Variants in DNAH14 observed in about 807,000 individuals in gnomAD.
DNAH14 encodes the protein dynein axonemal heavy chain 14, also known as axonemal beta dynein heavy chain 14.
DNAH14 carries 478 observed loss-of-function variants against 520.9 expected under a neutral mutation model. The observed-to-expected ratio is 0.92, with a 90% confidence interval of 0.85 to 0.99. The LOEUF (loss-of-function observed/expected upper bound fraction) is 0.99. DNAH14 is among the 50% of genes least tolerant of loss of function. The pLI is 0.00. For missense variants in DNAH14, 4,831 were observed against 5,234.5 expected, an observed-to-expected ratio of 0.92 and a Z score of 2.38; for synonymous variants, 1,581 against 1,757.2, an observed-to-expected ratio of 0.90 and a Z score of 2.51.
chr1:225,323,500 G>A (rs2094593124), intron 62 of DNAH14, among the ~76,000 whole-genome samples: 2 of 152,080 alleles, frequency 1.3e-5, no homozygotes, highest in Non-Finnish European at 2.9e-5. Flanking sequence ...TTTTGAGACG[G>A]AGTCTCACTC....
At chr1:225,244,511 T>C (rs2092158651) in intron 43 of DNAH14, among the ~76,000 whole-genome samples, 1 of 152,284 alleles carries the variant, frequency 6.6e-6, no homozygotes, top group African/African-American at 2.4e-5. Context: ...AGGTTATTAA[T>C]TATTGCCTCA....
At position 225,316,513 on chromosome 1, in the gene DNAH14, G is replaced by A. The variant is rs1252007979; in HGVS notation, c.9241-2070G>A. Among the ~76,000 whole-genome samples, 7 of 152,202 alleles carry A rather than the reference G, an allele frequency of 4.6e-5. No homozygotes were observed. The East Asian group carries it at 7.7e-4, about 17-fold the overall frequency. On this transcript the variant is annotated intron_variant, in intron 60 of 85. Transcript: ENST00000682510. ...CCTGAGGGAATCTCCTGGTCTGCGG[G>A]TTGTGAAGACTGTGGGAAAAGTGTA... is the stretch of plus-strand genomic sequence containing the variant.
At chr1:225,163,650 TC>T (rs2081755393) in intron 35 of DNAH14, among the ~76,000 whole-genome samples, 1 of 152,224 alleles carries the variant, frequency 6.6e-6, no homozygotes, top group African/African-American at 2.4e-5. Context: ...ACGTCATGTA[TC>T]CCATTGATTG....
chr1:225,043,249 G>T, intron 13 of DNAH14, 135 bp downstream of exon 13: 7 of 298,948 alleles, frequency 2.3e-5, no homozygotes, highest in Admixed American at 6.7e-5. Flanking sequence ...GGGCAACACA[G>T]TGAGACCTTG....
chr1:225,069,171 T>C (rs2071260416), intron 17 of DNAH14, among the ~76,000 whole-genome samples: 1 of 152,218 alleles, frequency 6.6e-6, no homozygotes, highest in African/African-American at 2.4e-5. Context: ...AGGGATACTT[T>C]GACTTCATAT....
intron 8 of DNAH14, among the ~76,000 whole-genome samples, chr1:224,982,543 T>G (rs2062351578): frequency 6.6e-6 from 1 of 152,216 alleles, no homozygotes; most frequent in South Asian, 2.1e-4. Context: ...TTAGACGGTC[T>G]GTTTGTGCTC....
intron 82 of DNAH14, 115 bp from the exon 83 acceptor site, chr1:225,389,619 G>A (rs1446918943): frequency 1.7e-6 from 2 of 1,212,060 alleles, no homozygotes; most frequent in Non-Finnish European, 2.3e-6. Context: ...GTCCTGCATT[G>A]GGGGAATCGA....
intron 41 of DNAH14, among the ~76,000 whole-genome samples, chr1:225,217,956 T>G (rs115142519): frequency 0.047 from 7,138 of 152,226 alleles, 521 homozygotes; most frequent in African/African-American, 0.16. Flanking sequence ...ATCACCCGTC[T>G]TCTGCATTGC....
At chr1:225,247,984 A>G (rs893733789) in intron 43 of DNAH14, among the ~76,000 whole-genome samples, 2 of 152,162 alleles carry the variant, frequency 1.3e-5, no homozygotes, top group African/African-American at 4.8e-5. Context: ...GCGCCACTGC[A>G]CTCCAGCCTG....
intron 69 of DNAH14, among the ~76,000 whole-genome samples, chr1:225,342,021 C>T (rs562987176): frequency 2.0e-5 from 3 of 152,118 alleles, no homozygotes; most frequent in Non-Finnish European, 4.4e-5. Flanking sequence ...TCTGAACTTC[C>T]GCACATCGGG....
At chr1:225,083,016 T>G (rs979421220) in intron 20 of DNAH14, among the ~76,000 whole-genome samples, 4 of 152,154 alleles carry the variant, frequency 2.6e-5, no homozygotes, top group Admixed American at 1.3e-4. Flanking sequence ...TATTTAACAG[T>G]GCTATTTATA....
At position 225,346,648 on chromosome 1, in the gene DNAH14, C is replaced by T. The variant is rs1468534330; in HGVS notation, c.11290C>T (p.Leu3764Phe). 4 of 1,536,434 alleles carry T rather than the reference C, an allele frequency of 2.6e-6. No homozygotes were observed. The South Asian group carries it at 4.9e-5, about 19-fold the overall frequency. ...NIKSALSQSR[L>F]TSTFEIGESQ... ...TAAAAGTGCATTATCCCAGTCTAGA[C>T]TTACTAGTAAGTAAAAGTTACTATT... Residue 3764 changes from leucine to phenylalanine, a missense_variant, in exon 71 of 86, where the codon CTT becomes TTT. Transcript: ENST00000682510.
chr1:225,169,329 C>T (rs1422854847), intron 36 of DNAH14, among the ~76,000 whole-genome samples: 1 of 152,150 alleles, frequency 6.6e-6, no homozygotes, highest in Admixed American at 6.6e-5. Flanking sequence ...AAGAAGACTT[C>T]AGATGATCAA....
At chr1:225,325,756 A>G (rs1257175739) in intron 64 of DNAH14, among the ~76,000 whole-genome samples, 3 of 151,552 alleles carry the variant, frequency 2.0e-5, no homozygotes, top group Non-Finnish European at 4.4e-5. Flanking sequence ...CCCACCCCTC[A>G]CCTCATTTTG....
chr1:224,973,898 A>G (rs958152532), intron 7 of DNAH14, among the ~76,000 whole-genome samples, 193 bp from the exon 8 acceptor site: 2 of 152,164 alleles, frequency 1.3e-5, no homozygotes, highest in Non-Finnish European at 2.9e-5. Context: ...TTTCATTTAC[A>G]TTTACCTTTT....
At chr1:224,933,974 C>T (rs2058863176) in intron 1 of DNAH14, among the ~76,000 whole-genome samples, 2 of 151,916 alleles carry the variant, frequency 1.3e-5, no homozygotes, top group African/African-American at 4.8e-5. Context: ...CTAATACACA[C>T]ACGCAGACTC....
At chr1:225,040,329 C>T (rs999772946) in intron 12 of DNAH14, among the ~76,000 whole-genome samples, 2 of 152,166 alleles carry the variant, frequency 1.3e-5, no homozygotes, top group Admixed American at 6.5e-5. Flanking sequence ...ACAACATACA[C>T]ACTATGTAGT....
At chr1:225,098,604 A>T (rs1453254140) in intron 22 of DNAH14, among the ~76,000 whole-genome samples, 1 of 152,184 alleles carries the variant, frequency 6.6e-6, no homozygotes, top group African/African-American at 2.4e-5. Context: ...AACAATATCC[A>T]TTTGTGTTAT....
intron 11 of DNAH14, among the ~76,000 whole-genome samples, chr1:225,027,620 G>C (rs969647548): frequency 6.6e-6 from 1 of 152,062 alleles, no homozygotes; most frequent in Non-Finnish European, 1.5e-5. Flanking sequence ...GGATCAGGAG[G>C]AAGAGATGTA....
Sources: allele counts gnomAD v4.1 joint callset (sites outside exome capture counted in the v4.1 genomes callset), GRCh38; gene constraint gnomAD v4.1.1; transcripts MANE v1.5; gene names NCBI Gene and HGNC (gene_info 2026-07-23, HGNC 2026-07-21).